AGBL1: variants seen among roughly 807,000 people sequenced by gnomAD.
AGBL1 encodes AGBL carboxypeptidase 1.
In AGBL1, 130 loss-of-function variants were observed where a neutral mutation model predicts 118.9. The ratio of observed to expected loss-of-function variants is 1.09; its 90% CI spans 0.95 to 1.26. AGBL1 has a LOEUF of 1.26. Among genes scored for constraint, AGBL1 ranks in the 50% most tolerant of loss-of-function variants. The pLI is 0.00. For synonymous variants in AGBL1, 555 were observed against 478.9 expected (o/e 1.16, Z -2.08); for missense variants, 1,584 against 1,298.1 (o/e 1.22, Z -3.38).
chr15:86,741,529 T>C (rs930375979), intron 22 of AGBL1, among the ~76,000 whole-genome samples: 1 of 151,396 alleles, frequency 6.6e-6, no homozygotes, highest in Non-Finnish European at 1.5e-5. Flanking sequence ...ATTTTGACCA[T>C]TATGGTGGGG....
intron 1 of AGBL1, among the ~76,000 whole-genome samples, chr15:86,124,490 G>T (rs185261514): frequency 8.7e-4 from 132 of 152,188 alleles, no homozygotes; most frequent in Admixed American, 2.1e-3. Context: ...GAAACTCTTT[G>T]TGCTACCTTT....
intron 16 of AGBL1, among the ~76,000 whole-genome samples, chr15:86,284,781 G>T (rs35355299): frequency 0.057 from 8,625 of 152,270 alleles, 283 homozygotes; most frequent in Middle Eastern, 0.088. Flanking sequence ...GGTCAAGGAA[G>T]TCTTTTATCA....
chr15:86,770,011 C>T (rs189295021), intron 22 of AGBL1, among the ~76,000 whole-genome samples: 1 of 152,068 alleles, frequency 6.6e-6, no homozygotes, highest in African/African-American at 2.4e-5. Flanking sequence ...TACTTTAATC[C>T]TTTAATACTG....
rs117168304 is a variant in AGBL1, at chr15:86,716,918, G to A, written c.3158+42482G>A. ...GGCCATTTATTACGTATGTGATTTG[G>A]GAGAAGTTGTTTTATCATTCTATGC... On this transcript the variant is annotated intron_variant, in intron 22 of 22. Coordinates refer to ENST00000614907, the MANE Select transcript of AGBL1 (RefSeq NM_001386094.1). Among the ~76,000 whole-genome samples the A allele has an allele frequency of 8.3e-4, 127 of 152,214 alleles. 1 individual carries two copies. The East Asian group carries it at 0.017, about 21-fold the overall frequency.
intron 1 of AGBL1, among the ~76,000 whole-genome samples, chr15:86,110,810 T>A (rs180918276): frequency 3.7e-4 from 57 of 152,296 alleles, no homozygotes; most frequent in African/African-American, 1.3e-3. Flanking sequence ...AGCCTAGCAG[T>A]GTCAGGGCAG....
intron 21 of AGBL1, among the ~76,000 whole-genome samples, chr15:86,620,178 GA>G (rs1166790652): frequency 6.6e-6 from 1 of 152,152 alleles, no homozygotes; most frequent in Non-Finnish European, 1.5e-5. Flanking sequence ...AAGATGAAAA[GA>G]AAGATCCATG....
At chr15:86,183,096 T>G (rs1037158904) in intron 5 of AGBL1, among the ~76,000 whole-genome samples, 1 of 152,198 alleles carries the variant, frequency 6.6e-6, no homozygotes, top group African/African-American at 2.4e-5. Context: ...GTTTTGACCT[T>G]GAGTTCTTGT....
intron 22 of AGBL1, among the ~76,000 whole-genome samples, chr15:86,819,745 C>A (rs1366055326): frequency 6.6e-6 from 1 of 152,100 alleles, no homozygotes; most frequent in Non-Finnish European, 1.5e-5. Flanking sequence ...TCAATGCTAT[C>A]CCCATCAACT....
At chr15:86,647,410 A>G (rs1371326997) in intron 21 of AGBL1, among the ~76,000 whole-genome samples, 1 of 152,224 alleles carries the variant, frequency 6.6e-6, no homozygotes, top group Non-Finnish European at 1.5e-5. Flanking sequence ...GAAAATATGT[A>G]AAATATCTGG....
chr15:86,445,746 A>C (rs927831711), intron 18 of AGBL1, among the ~76,000 whole-genome samples: 1 of 152,212 alleles, frequency 6.6e-6, no homozygotes. Flanking sequence ...GAGCCAGTTG[A>C]AACAAATAAA....
At chr15:86,918,619 C>T (rs559209404), downstream of AGBL1, among the ~76,000 whole-genome samples, 29 of 152,290 alleles carry the variant, frequency 1.9e-4, no homozygotes, top group African/African-American at 5.5e-4. Flanking sequence ...TTTTCTCCCC[C>T]ACGTACCTAT....
At chr15:86,120,628 C>G (rs529085071) in intron 1 of AGBL1, among the ~76,000 whole-genome samples, 1 of 152,290 alleles carries the variant, frequency 6.6e-6, no homozygotes, top group African/African-American at 2.4e-5. Flanking sequence ...ACCATTGTGC[C>G]ACTGGCACAA....
At chr15:86,479,331 C>T (rs1299608404) in intron 18 of AGBL1, among the ~76,000 whole-genome samples, 1 of 152,144 alleles carries the variant, frequency 6.6e-6, no homozygotes, top group Non-Finnish European at 1.5e-5. Context: ...GCAATCTACT[C>T]ATCTGACAAA....
At chr15:86,131,649 G>T (rs779406737) in intron 1 of AGBL1, among the ~76,000 whole-genome samples, 2 of 152,052 alleles carry the variant, frequency 1.3e-5, no homozygotes, top group Non-Finnish European at 2.9e-5. Flanking sequence ...ACACCGAATG[G>T]TAATAATCAT....
intron 21 of AGBL1, among the ~76,000 whole-genome samples, chr15:86,670,628 A>ACAC (rs59416251): frequency 2.1e-5 from 1 of 48,470 alleles, no homozygotes; most frequent in East Asian, 1.1e-3. Flanking sequence ...CACACACACA[A>ACAC]ACACGCTGTG....
At chr15:86,141,292 C>T (rs2076959684) in intron 1 of AGBL1, among the ~76,000 whole-genome samples, 1 of 152,228 alleles carries the variant, frequency 6.6e-6, no homozygotes. Flanking sequence ...GGAGTTCATT[C>T]TTGTCAGTCA....
chr15:86,214,914 TA>T (rs973029528), intron 5 of AGBL1, among the ~76,000 whole-genome samples: 4 of 152,094 alleles, frequency 2.6e-5, no homozygotes, highest in East Asian at 1.9e-4. Flanking sequence ...CATTTTCTCT[TA>T]AAAAAATTTC....
At chr15:86,244,044 T>C (rs2078678920) in intron 6 of AGBL1, among the ~76,000 whole-genome samples, 1 of 112,780 alleles carries the variant, frequency 8.9e-6, no homozygotes, top group Non-Finnish European at 1.7e-5. Flanking sequence ...AGTAGATAGA[T>C]AGATAGATAG....
In AGBL1 at chr15:86,801,005, C is replaced by G. The variant is rs184875650; in HGVS notation, c.3159-106082C>G. ...TTTTTTTTAAAGCAAATTTCTCCAA[C>G]AAAAGGTCGTTGAGTTTGAAATAGG... is the stretch of plus-strand genomic sequence containing the variant. On this transcript the variant is annotated intron_variant, in intron 22 of 22. Transcript: ENST00000614907. Among the ~76,000 whole-genome samples, 98 of 152,106 alleles carry G rather than the reference C, an allele frequency of 6.4e-4. 1 individual carries two copies. The East Asian group carries it at 0.016, about 24-fold the overall frequency.
Sources: allele counts gnomAD v4.1 joint callset (sites outside exome capture counted in the v4.1 genomes callset), GRCh38; gene constraint gnomAD v4.1.1; transcripts MANE v1.5; gene names NCBI Gene and HGNC (gene_info 2026-07-23, HGNC 2026-07-21).